The following RNF121 variants were observed in gnomAD, a reference collection of about 807,000 sequenced individuals.
RNF121 encodes the protein ring finger protein 121, also known as E3 ubiquitin ligase RNF121.
RNF121 carries 21 observed loss-of-function variants against 46.5 expected under a neutral mutation model. The ratio of observed to expected loss-of-function variants is 0.45; its 90% CI spans 0.32 to 0.65. The LOEUF is 0.65. Ranked by LOEUF, RNF121 falls within the 30% of genes least tolerant of loss-of-function variation. The probability of loss-of-function intolerance (pLI) is 0.04; values close to 1 mark genes in which losing one functional copy is unlikely to be tolerated. For missense variants in RNF121, 346 were observed against 416.0 expected (o/e 0.83, Z 1.46); for synonymous variants, 139 against 144.7 (o/e 0.96, Z 0.28).
chr11:71,982,027 G>A (rs1954669925), intron 3 of RNF121, among the ~76,000 whole-genome samples: 2 of 152,198 alleles, frequency 1.3e-5, no homozygotes, highest in African/African-American at 4.8e-5. Flanking sequence ...TTGTCAGGCA[G>A]AAAGGCAGGC....
chr11:71,982,133 G>T (rs1954672738), intron 3 of RNF121, among the ~76,000 whole-genome samples: 1 of 151,936 alleles, frequency 6.6e-6, no homozygotes, highest in Non-Finnish European at 1.5e-5. Context: ...ATACCATGGG[G>T]GATTTGACAG....
intron 2 of RNF121, among the ~76,000 whole-genome samples, chr11:71,959,438 A>G (rs1304891791): frequency 6.6e-6 from 1 of 152,184 alleles, no homozygotes; most frequent in Non-Finnish European, 1.5e-5. Context: ...TTAATTGCCC[A>G]TGGAAATTCC....
intron 3 of RNF121, among the ~76,000 whole-genome samples, chr11:71,980,676 T>TA (rs1474464900): frequency 2.6e-5 from 4 of 152,250 alleles, no homozygotes; most frequent in African/African-American, 9.6e-5. Flanking sequence ...CACAGAGAAA[T>TA]CTATAAGAGA....
At chr11:71,990,535 T>C in intron 5 of RNF121, 62 bp from the exon 6 acceptor site, 1 of 1,588,722 alleles carries the variant, frequency 6.3e-7, no homozygotes, top group Non-Finnish European at 8.6e-7. Context: ...TGTCCCAGAG[T>C]AGTAATCCAT....
chr11:71,943,064 T>A (rs1352600906), intron 1 of RNF121, among the ~76,000 whole-genome samples: 1 of 152,192 alleles, frequency 6.6e-6, no homozygotes, highest in African/African-American at 2.4e-5. Flanking sequence ...CCACCTCTTC[T>A]TAATACTATT....
At chr11:71,970,826 A>T (rs567178229) in intron 3 of RNF121, among the ~76,000 whole-genome samples, 1 of 152,322 alleles carries the variant, frequency 6.6e-6, no homozygotes, top group African/African-American at 2.4e-5. Flanking sequence ...ACAGGGACTT[A>T]CCTTGCCTTA....
At chr11:71,929,242 G>T in intron 1 of RNF121, 118 bp downstream of exon 1, 1 of 1,443,840 alleles carries the variant, frequency 6.9e-7, no homozygotes, top group South Asian at 1.4e-5. Flanking sequence ...GGAAGGAGCT[G>T]ACTAGGGGGC....
intron 3 of RNF121, among the ~76,000 whole-genome samples, chr11:71,964,346 G>C (rs1475619622): frequency 6.6e-6 from 1 of 152,066 alleles, no homozygotes; most frequent in Non-Finnish European, 1.5e-5. Flanking sequence ...TGATCGTTTT[G>C]TGTTAGTCTT....
At chr11:71,946,747 C>G (rs1160849128) in intron 1 of RNF121, among the ~76,000 whole-genome samples, 1 of 151,022 alleles carries the variant, frequency 6.6e-6, no homozygotes, top group Admixed American at 6.6e-5. Flanking sequence ...GAATCTCCCT[C>G]TGTTACCCAG....
chr11:71,933,860 T>C (rs1953334589), intron 1 of RNF121, among the ~76,000 whole-genome samples: 1 of 152,234 alleles, frequency 6.6e-6, no homozygotes, highest in South Asian at 2.1e-4. Context: ...TAGCTACCAT[T>C]TACTGGATGT....
At chr11:71,976,628 G>C (rs1954533105) in intron 3 of RNF121, among the ~76,000 whole-genome samples, 1 of 151,966 alleles carries the variant, frequency 6.6e-6, no homozygotes, top group Admixed American at 6.6e-5. Flanking sequence ...AAAGTGCTGG[G>C]GTTACAGGCG....
intron 1 of RNF121, among the ~76,000 whole-genome samples, chr11:71,947,280 G>A (rs997735746): frequency 7.3e-5 from 11 of 150,950 alleles, no homozygotes; most frequent in African/African-American, 2.0e-4. Flanking sequence ...GGCCAGCGCC[G>A]GAGGATCACT....
chr11:71,931,081 A>G (rs114716742), intron 1 of RNF121, among the ~76,000 whole-genome samples: 3,990 of 152,180 alleles, frequency 0.026, 168 homozygotes, highest in African/African-American at 0.091. Flanking sequence ...TGAGCCGCCG[A>G]TCTTGTCCTC....
Position 71,982,787 on chromosome 11 carries a change from T to C in RNF121, c.270T>C (p.Val90=). 6.2e-7 allele frequency: 1 copy of C among 1,612,958 alleles called. No homozygotes were observed. The highest frequency in any genetic ancestry group is 8.5e-7 in the Non-Finnish European group (1 of 1,179,534). The change falls in exon 4 of 9, where the codon GTT becomes GTC. Residue 90 remains valine, a synonymous_variant. Transcript: ENST00000361756. ...YNMVTLFQMW[V]VPLYFTVKLH... ...TGGTGACCCTCTTTCAGATGTGGGTTGTTCCCCTCTATTTCACAGTGAAGC... is the reference window on the plus strand; with the variant it reads ...TGGTGACCCTCTTTCAGATGTGGGTCGTTCCCCTCTATTTCACAGTGAAGC...
intron 3 of RNF121, among the ~76,000 whole-genome samples, chr11:71,980,197 G>A (rs1431914972): frequency 6.6e-6 from 1 of 152,142 alleles, no homozygotes; most frequent in Non-Finnish European, 1.5e-5. Flanking sequence ...CCTATGTAGT[G>A]AATTGTTATT....
intron 3 of RNF121, among the ~76,000 whole-genome samples, chr11:71,966,194 T>C (rs1954272136): frequency 6.6e-6 from 1 of 152,020 alleles, no homozygotes; most frequent in Admixed American, 6.6e-5. Context: ...TAATTTTGTA[T>C]TTTTAGTAGA....
chr11:71,953,008 G>A (rs1045146905), intron 1 of RNF121, among the ~76,000 whole-genome samples: 5 of 152,116 alleles, frequency 3.3e-5, no homozygotes, highest in African/African-American at 1.2e-4. Context: ...TATTCCTCTT[G>A]TCTGAGATTT....
intron 1 of RNF121, among the ~76,000 whole-genome samples, chr11:71,930,889 G>C (rs1410925614): frequency 6.6e-6 from 1 of 152,170 alleles, no homozygotes; most frequent in African/African-American, 2.4e-5. Flanking sequence ...CTGGAGTGCA[G>C]TATTGCAATC....
At chr11:71,971,331 C>T (rs1233444623) in intron 3 of RNF121, among the ~76,000 whole-genome samples, 1 of 152,144 alleles carries the variant, frequency 6.6e-6, no homozygotes, top group Non-Finnish European at 1.5e-5. Context: ...TTGCAGTGAG[C>T]TGAGATCATG....
Sources: gnomAD v4.1 joint callset for allele counts (sites outside exome capture counted in the v4.1 genomes callset) on GRCh38, gnomAD v4.1.1 for gene constraint, MANE v1.5 for transcripts, NCBI Gene and HGNC (gene_info 2026-07-23, HGNC 2026-07-21) for gene names.